Variants in METTL13 observed in about 807,000 individuals in gnomAD.
The protein encoded by METTL13 is methyltransferase 13, eEF1A N-terminus and K55.
METTL13 carries 52 observed loss-of-function variants against 67.4 expected under a neutral mutation model. The observed-to-expected ratio is 0.77, with a 90% CI of 0.62 to 0.97. The LOEUF (loss-of-function observed/expected upper bound fraction) is 0.97. Among genes scored for constraint, METTL13 ranks in the 50% least tolerant of loss-of-function variants. The probability of loss-of-function intolerance (pLI) is 0.00; values close to 1 mark genes in which losing one functional copy is unlikely to be tolerated. For synonymous variants in METTL13, 354 were observed against 353.6 expected (o/e 1.00, Z -0.01); for missense variants, 825 against 889.6 (o/e 0.93, Z 0.92).
intron 3 of METTL13, among the ~76,000 whole-genome samples, chr1:171,787,449 T>C (rs1657055539): frequency 6.6e-6 from 1 of 152,142 alleles, no homozygotes; most frequent in Non-Finnish European, 1.5e-5. Flanking sequence ...TTTTAGGGGT[T>C]ACTGATGAGA....
intron 4 of METTL13, among the ~76,000 whole-genome samples, chr1:171,789,848 T>TGGGGGGGGG (rs1657143949): frequency 2.7e-4 from 27 of 99,414 alleles, no homozygotes; most frequent in East Asian, 4.3e-4. Flanking sequence ...TGGGGCGGGG[T>TGGGGGGGGG]AGGGGGGGCA....
rs61733151 is a variant in METTL13 at position 171,796,714 on chromosome 1, G to T, written c.2058G>T (p.Thr686=). 1.2e-6 allele frequency: 2 copies of T among 1,614,196 alleles called. No individual in the cohort carries two copies. Among genetic ancestry groups the T allele is most frequent in the Non-Finnish European group, 8.5e-7 (1 of 1,180,038 alleles). The change falls in exon 8 of 8, where the codon ACG becomes ACT. Residue 686 remains threonine, a synonymous_variant. Transcript: ENST00000361735. ...LRKPGRGWDD[T]YVLSDMLKTV... Reference sequence around the variant, plus strand: ...AGCCTGGGAGGGGTTGGGATGACACGTATGTCTTGTCAGATATGCTCAAGA... The same window carrying T: ...AGCCTGGGAGGGGTTGGGATGACACTTATGTCTTGTCAGATATGCTCAAGA...
Position 171,796,537 on chromosome 1 carries a change from G to A in METTL13, c.1881G>A (p.Leu627=), listed in dbSNP as rs1657381970. ...ACTTGGGGCTAAAAGACTCAGTGCTGGCTGGGCTCAAGGCAGTGTTCCCCC... is the reference window on the plus strand; with the variant it reads ...ACTTGGGGCTAAAAGACTCAGTGCTAGCTGGGCTCAAGGCAGTGTTCCCCC... ...CRDLGLKDSV[L]AGLKAVFPLL... is the part of the protein sequence containing the mutation. Residue 627 remains leucine, a synonymous_variant, in exon 8 of 8, where the codon CTG becomes CTA. Transcript: ENST00000361735. 1.2e-6 allele frequency: 2 copies of A among 1,614,050 alleles called. No individual in the cohort carries two copies. Among genetic ancestry groups the A allele is most frequent in the Non-Finnish European group, 8.5e-7 (1 of 1,180,044 alleles).
Position 171,796,511 on chromosome 1 carries a change from G to C in METTL13, c.1855G>C (p.Asp619His). 2.5e-6 allele frequency: 4 copies of C among 1,614,150 alleles called. No homozygotes were observed. The highest frequency in any genetic ancestry group is 3.4e-6 in the Non-Finnish European group (4 of 1,180,038). The change falls in exon 8 of 8, where the codon GAC (aspartate) becomes CAC (histidine). Residue 619 changes from aspartate (D) to histidine (H), a missense_variant. Asp to His is a moderately conservative substitution (Grantham distance 81). Coordinates refer to ENST00000361735, the MANE Select transcript of METTL13 (RefSeq NM_015935.5). Reference protein sequence around the residue: ...GVFILNLVCRDLGLKDSVLAG... With the variant: ...GVFILNLVCRHLGLKDSVLAG... ...TTTTATTCTCAACCTTGTGTGCCGA[G>C]ACTTGGGGCTAAAAGACTCAGTGCT...
intron 2 of METTL13, among the ~76,000 whole-genome samples, chr1:171,785,492 T>G (rs1388029575): frequency 6.6e-6 from 1 of 152,216 alleles, no homozygotes; most frequent in Non-Finnish European, 1.5e-5. Flanking sequence ...GTTTCTCAGT[T>G]TCCTCATATG....
intron 1 of METTL13, among the ~76,000 whole-genome samples, chr1:171,782,829 T>G (rs1656871637): frequency 6.6e-6 from 1 of 152,198 alleles, no homozygotes; most frequent in African/African-American, 2.4e-5. Context: ...CTGCACATGT[T>G]CCAGAAGTGA....
At chr1:171,786,302 G>C (rs1168272986) in intron 3 of METTL13, among the ~76,000 whole-genome samples, 1 of 152,226 alleles carries the variant, frequency 6.6e-6, no homozygotes, top group African/African-American at 2.4e-5. Flanking sequence ...GAGCCTCTCA[G>C]AGTCCATAGA....
intron 4 of METTL13, among the ~76,000 whole-genome samples, chr1:171,789,738 A>G (rs956018642): frequency 6.6e-6 from 1 of 150,456 alleles, no homozygotes; most frequent in Non-Finnish European, 1.5e-5. Flanking sequence ...AGGGCTCCTC[A>G]GTTGAGTTTT....
In METTL13 at chr1:171,782,032, A is replaced by G. The variant is rs762038902; in HGVS notation, c.65A>G (p.Gln22Arg). 2 of 1,614,168 alleles carry G rather than the reference A, an allele frequency of 1.2e-6. No homozygotes were observed. Among genetic ancestry groups the G allele is most frequent in the Middle Eastern group, 3.3e-4 (2 of 6,060 alleles). ...GSVDYWEKFF[Q>R]QRGKKAFEWY... ...GTTGACTATTGGGAGAAGTTCTTCC[A>G]GCAGCGAGGAAAGAAAGCTTTCGAG... The change falls in exon 1 of 8, where the codon CAG (glutamine) becomes CGG (arginine). Residue 22 changes from glutamine (Q) to arginine (R), a missense_variant. Gln to Arg is a conservative substitution (Grantham distance 43). Coordinates refer to ENST00000361735, the MANE Select transcript of METTL13 (RefSeq NM_015935.5).
intron 5 of METTL13, among the ~76,000 whole-genome samples, chr1:171,791,504 G>T (rs1236617832): frequency 1.3e-5 from 2 of 152,048 alleles, no homozygotes; most frequent in African/African-American, 4.8e-5. Flanking sequence ...TTGAGACAGG[G>T]ATTTACTCTT....
At chr1:171,782,359 C>T (rs1307765796) in intron 1 of METTL13, among the ~76,000 whole-genome samples, 11 of 152,006 alleles carry the variant, frequency 7.2e-5, no homozygotes, top group Admixed American at 7.2e-4. Flanking sequence ...TCGCTTGAGC[C>T]CTGGAGTTAA....
intron 3 of METTL13, among the ~76,000 whole-genome samples, chr1:171,786,532 C>A (rs777333821): frequency 1.3e-5 from 2 of 152,198 alleles, no homozygotes; most frequent in Non-Finnish European, 2.9e-5. Flanking sequence ...GGAAGGAAAC[C>A]GAAGGTTTTT....
chr1:171,786,336 C>T (rs1024663973), intron 3 of METTL13, among the ~76,000 whole-genome samples: 5 of 152,200 alleles, frequency 3.3e-5, no homozygotes, highest in Admixed American at 6.5e-5. Flanking sequence ...AAATGCTCTA[C>T]TCATTGCGGG....
intron 5 of METTL13, among the ~76,000 whole-genome samples, chr1:171,791,773 T>C (rs1657214792): frequency 6.6e-6 from 1 of 152,164 alleles, no homozygotes; most frequent in Non-Finnish European, 1.5e-5. Context: ...CACTTTGAGA[T>C]CTTTAAGAGA....
chr1:171,781,711 GCTCTT>G lies in METTL13; in HGVS notation c.-255_-251del. 8.3e-7 allele frequency: 1 copy of G among 1,198,286 alleles called. No homozygotes were observed. Among genetic ancestry groups the G allele is most frequent in the Non-Finnish European group, 1.1e-6 (1 of 928,520 alleles). The allele number at this position is 1,198,286 out of a possible 1,614,324, so 74.2% of individuals were successfully genotyped here. On this transcript the variant is annotated 5_prime_UTR_variant, in exon 1 of 8. Transcript: ENST00000361735. ...ATCTAGTTCGGGAAAAGTGTGAGGGGCTCTTCACGTGGGGAAGGAACAGCAGGCGC... is the reference window on the plus strand; with the variant it reads ...ATCTAGTTCGGGAAAAGTGTGAGGGGCACGTGGGGAAGGAACAGCAGGCGC...
At chr1:171,793,367 A>T (rs1473050703) in intron 6 of METTL13, among the ~76,000 whole-genome samples, 1 of 152,230 alleles carries the variant, frequency 6.6e-6, no homozygotes, top group Non-Finnish European at 1.5e-5. Context: ...TTAATCCATG[A>T]TGTTACTGCT....
chr1:171,784,813 A>G (rs1279734972), intron 2 of METTL13, among the ~76,000 whole-genome samples: 3 of 152,200 alleles, frequency 2.0e-5, no homozygotes, highest in African/African-American at 7.2e-5. Context: ...GTCACATATG[A>G]TATAGAGATG....
rs145162370 is a variant in METTL13, at chr1:171,796,516, G to A, written c.1860G>A (p.Leu620=). The part of the protein sequence containing the change: ...VFILNLVCRD[L]GLKDSVLAGL... ...TTCTCAACCTTGTGTGCCGAGACTT[G>A]GGGCTAAAAGACTCAGTGCTGGCTG... Residue 620 remains leucine (L), a synonymous_variant, in exon 8 of 8, where the codon TTG becomes TTA. Coordinates refer to ENST00000361735, the MANE Select transcript of METTL13 (RefSeq NM_015935.5). 2 of 1,614,028 alleles carry A rather than the reference G, an allele frequency of 1.2e-6. No individual in the cohort carries two copies. The highest frequency in any genetic ancestry group is 1.7e-6 in the Non-Finnish European group (2 of 1,180,040).
intron 3 of METTL13, among the ~76,000 whole-genome samples, chr1:171,787,114 GGC>G (rs1657043048): frequency 6.6e-6 from 1 of 151,986 alleles, no homozygotes; most frequent in Non-Finnish European, 1.5e-5. Flanking sequence ...CTTCATTTGT[GGC>G]CTCTCACCAG....
Sources: allele counts gnomAD v4.1 joint callset (sites outside exome capture counted in the v4.1 genomes callset), GRCh38; gene constraint gnomAD v4.1.1; transcripts MANE v1.5; gene names NCBI Gene and HGNC (gene_info 2026-07-23, HGNC 2026-07-21).